The following COL27A1 variants were observed in gnomAD, a reference collection of about 807,000 sequenced individuals.
The protein encoded by COL27A1 is collagen type XXVII alpha 1 chain, also known as collagen alpha-1(XXVII) chain.
A neutral mutation model predicts 251.3 loss-of-function variants in COL27A1; 106 were observed. The ratio of observed to expected loss-of-function variants is 0.42; its 90% CI spans 0.36 to 0.50. The LOEUF (loss-of-function observed/expected upper bound fraction) is 0.50. Among genes scored for constraint, COL27A1 ranks in the 20% least tolerant of loss-of-function variants. COL27A1 has a pLI of 0.00. For missense variants in COL27A1, 2,325 were observed against 2,522.8 expected (o/e 0.92, Z 1.68); for synonymous variants, 1,000 against 986.3 (o/e 1.01, Z -0.26).
In COL27A1 at chr9:114,307,769, G is replaced by A. The variant is rs563579546; in HGVS notation, c.5208G>A (p.Thr1736=). 4.2e-5 allele frequency: 67 copies of A among 1,612,436 alleles called. No individual in the cohort carries two copies. Among genetic ancestry groups the A allele is most frequent in the East Asian group, 1.3e-4 (6 of 44,868 alleles). The change falls in exon 59 of 61, where the codon ACG becomes ACA. Residue 1736 remains threonine, a synonymous_variant. Transcript: ENST00000356083. ...GACAGACGTGTCTCAAGCCCATCAC[G>A]GCCTCCAAGGTACCCATCAGCTCCC... The part of the protein sequence containing the change: ...HGGQTCLKPI[T]ASKVEFAISR...
intron 4 of COL27A1, among the ~76,000 whole-genome samples, chr9:114,181,158 G>C (rs541020390): frequency 5.3e-5 from 8 of 152,278 alleles, no homozygotes; most frequent in Non-Finnish European, 8.8e-5. Context: ...AGAACAGAGG[G>C]AGAGACCGAG....
chr9:114,288,324 C>A, intron 41 of COL27A1, 131 bp from the exon 42 acceptor site: 2 of 928,138 alleles, frequency 2.2e-6, no homozygotes, highest in Non-Finnish European at 3.5e-6. Flanking sequence ...ACCCTTCCCT[C>A]TCTAGTTTGT....
At chr9:114,188,238 T>C (rs932979040) in intron 5 of COL27A1, among the ~76,000 whole-genome samples, 4 of 152,214 alleles carry the variant, frequency 2.6e-5, no homozygotes, top group African/African-American at 9.6e-5. Context: ...TGCAGACATT[T>C]CTAGAAAAGT....
At chr9:114,195,045 G>A (rs961388542) in intron 6 of COL27A1, among the ~76,000 whole-genome samples, 1 of 152,182 alleles carries the variant, frequency 6.6e-6, no homozygotes. Context: ...GTGCAGGACA[G>A]ATGGGAAGAG....
At position 114,269,652 on chromosome 9, in the gene COL27A1, T is replaced by C. The variant is rs559958275; in HGVS notation, c.3555+358T>C. ...AAAAAAAAAAGAAGAAGAAGGATGT[T>C]GAGGTTCAGTCGAGTCTCGGCAGTA... On this transcript the variant is annotated intron_variant, in intron 35 of 60. Coordinates refer to ENST00000356083, the MANE Select transcript of COL27A1 (RefSeq NM_032888.4). 2.1e-3 allele frequency among the ~76,000 whole-genome samples: 305 copies of C among 144,316 alleles called. 2 individuals are homozygous for C. Among genetic ancestry groups the C allele is most frequent in the African/African-American group, 7.9e-3 (295 of 37,466 alleles). The allele number at this position is 144,316 out of a possible 152,430, so 94.7% of individuals were successfully genotyped here. A position where few individuals can be genotyped will look rare whatever the true frequency, so the allele number is the denominator to read the frequency against.
chr9:114,260,429 C>A (rs1834240127), intron 28 of COL27A1, among the ~76,000 whole-genome samples: 1 of 152,138 alleles, frequency 6.6e-6, no homozygotes, highest in Admixed American at 6.5e-5. Context: ...ACAGAGGCAC[C>A]CACCGTGCCT....
At chr9:114,157,101 CACAT>C (rs765641221) in intron 1 of COL27A1, among the ~76,000 whole-genome samples, 5,006 of 138,872 alleles carry the variant, frequency 0.036, 175 homozygotes, top group East Asian at 0.14. Context: ...CACACACACA[CACAT>C]ACGCGCGCGC....
At chr9:114,283,790 C>T (rs377466100) in intron 40 of COL27A1, 28 bp downstream of exon 40, 3 of 1,612,380 alleles carry the variant, frequency 1.9e-6, no homozygotes, top group South Asian at 1.1e-5. Flanking sequence ...CACCCCACCC[C>T]CCGACTCTGT....
intron 12 of COL27A1, among the ~76,000 whole-genome samples, chr9:114,215,774 C>T (rs544404186): frequency 6.6e-6 from 1 of 152,178 alleles, no homozygotes; most frequent in African/African-American, 2.4e-5. Context: ...TATTCCCACT[C>T]TTGATATAAA....
At chr9:114,277,673 T>C (rs1835596036) in intron 37 of COL27A1, among the ~76,000 whole-genome samples, 1 of 152,128 alleles carries the variant, frequency 6.6e-6, no homozygotes, top group South Asian at 2.1e-4. Flanking sequence ...CTTGACTCAG[T>C]GGCGGGCTTG....
intron 5 of COL27A1, among the ~76,000 whole-genome samples, chr9:114,189,377 T>C (rs888957638): frequency 6.6e-6 from 1 of 152,230 alleles, no homozygotes; most frequent in East Asian, 1.9e-4. Context: ...TTTCATTGTT[T>C]ATTTATTTTT....
chr9:114,159,645 CG>C (rs771633267), intron 1 of COL27A1, among the ~76,000 whole-genome samples: 1 of 152,172 alleles, frequency 6.6e-6, no homozygotes, highest in African/African-American at 2.4e-5. Flanking sequence ...AGGATTTCTC[CG>C]AGCCTTTGAT....
intron 14 of COL27A1, 43 bp downstream of exon 14, chr9:114,222,310 G>C: frequency 6.3e-7 from 1 of 1,578,972 alleles, no homozygotes; most frequent in East Asian, 2.3e-5. Context: ...GTGTTGAGGA[G>C]ACTCAGGGTG....
Position 114,243,454 on chromosome 9 carries a change from C to A in COL27A1, c.2881-53C>A. ...CCAGGCCCTTGGAGCCCCTGGACCC[C>A]AGCCATGTTGCCCCTGTCCAGCTTC... On this transcript the variant is annotated intron_variant, in intron 22 of 60. Transcript: ENST00000356083. The A allele has an allele frequency of 2.6e-6, 4 of 1,522,354 alleles. No homozygotes were observed. In the South Asian group the frequency reaches 4.5e-5, roughly 17 times the overall value. The allele number at this position is 1,522,354 out of a possible 1,614,324, so 94.3% of individuals were successfully genotyped here.
Position 114,264,384 on chromosome 9 carries a change from G to C in COL27A1, c.3225G>C (p.Gly1075=), listed in dbSNP as rs758470466. The change falls in exon 29 of 61, where the codon GGG becomes GGC. Residue 1075 remains glycine, a synonymous_variant. Transcript: ENST00000356083. The stretch of plus-strand genomic sequence containing the variant: ...CCCGAGGACCGGACGGACCAGCTGG[G>C]GAGCAAGGGTCCAGGGGCCTGAAGG... ...RGPRGPDGPA[G]EQGSRGLKGP... 4.4e-6 allele frequency: 7 copies of C among 1,596,644 alleles called. No individual in the cohort carries two copies. Among genetic ancestry groups the C allele is most frequent in the African/African-American group, 2.7e-5 (2 of 74,626 alleles).
Position 114,252,588 on chromosome 9 carries a change from C to T in COL27A1, c.3034-5C>T, listed in dbSNP as rs191152162. On this transcript the variant is annotated splice_polypyrimidine_tract_variant and splice_region_variant and intron_variant, in intron 25 of 60. Coordinates refer to ENST00000356083, the MANE Select transcript of COL27A1 (RefSeq NM_032888.4). ...GACCTGCCTGCATTGCTGTCTCCAT[C>T]ACAGGGTGATCGTGGCATGATGGGA... is the stretch of plus-strand genomic sequence containing the variant. 6.2e-7 allele frequency: 1 copy of T among 1,613,856 alleles called. No individual in the cohort carries two copies. Among genetic ancestry groups the T allele is most frequent in the Non-Finnish European group, 8.5e-7 (1 of 1,179,934 alleles).
At chr9:114,202,231 T>TG (rs575807747) in intron 7 of COL27A1, among the ~76,000 whole-genome samples, 2 of 152,292 alleles carry the variant, frequency 1.3e-5, no homozygotes, top group East Asian at 3.9e-4. Flanking sequence ...TGGGGAGGTT[T>TG]GGGGGCTGAA....
chr9:114,276,103 G>A (rs532202116), intron 37 of COL27A1, among the ~76,000 whole-genome samples: 138 of 152,248 alleles, frequency 9.1e-4, no homozygotes, highest in Non-Finnish European at 1.7e-3. Flanking sequence ...CTTTGCATGT[G>A]CTCTGTCTAG....
In COL27A1 at chr9:114,310,681, G is replaced by A. The variant is rs777089080; in HGVS notation, c.5569G>A (p.Ala1857Thr). Reference sequence around the variant, plus strand: ...GCAGTACCGCCTGGAAGTTGGACCTGCGTGCTTCCTCTGACCTCTGACCTC... The same window carrying A: ...GCAGTACCGCCTGGAAGTTGGACCTACGTGCTTCCTCTGACCTCTGACCTC... ...GKQYRLEVGP[A>T]CFL Residue 1857 changes from alanine (A) to threonine (T), a missense_variant, in exon 61 of 61, where the codon GCG (alanine) becomes ACG (threonine). Ala to Thr is a moderately conservative substitution (Grantham distance 58). This residue lies in a region of COL27A1 where 327 missense variants were observed against 442.8 expected (regional missense o/e 0.74). Transcript: ENST00000356083. 2 of 1,614,068 alleles carry A rather than the reference G, an allele frequency of 1.2e-6. No individual in the cohort carries two copies. The highest frequency in any genetic ancestry group is 1.1e-5 in the South Asian group (1 of 91,088).
Sources: allele counts gnomAD v4.1 joint callset (sites outside exome capture counted in the v4.1 genomes callset), GRCh38; gene constraint gnomAD v4.1.1; regional missense constraint gnomAD v4.1.1; transcripts MANE v1.5; gene names NCBI Gene and HGNC (gene_info 2026-07-23, HGNC 2026-07-21).